PTAFR: variants seen among roughly 807,000 people sequenced by gnomAD.
PTAFR encodes the protein platelet activating factor receptor, also known as platelet-activating factor receptor.
In PTAFR, 8 loss-of-function variants were observed where a neutral mutation model predicts 14.7. The observed-to-expected ratio is 0.54, with a 90% confidence interval of 0.32 to 0.98. The LOEUF is 0.98. Ranked by LOEUF, PTAFR falls within the 50% of genes least tolerant of loss-of-function variation. The pLI is 0.04. For missense variants in PTAFR, 337 were observed against 451.2 expected (o/e 0.75, Z 2.29); for synonymous variants, 156 against 176.5 (o/e 0.88, Z 0.92).
At position 28,150,767 on chromosome 1, in the gene PTAFR, G is replaced by A. The variant is rs1470700823; in HGVS notation, c.255C>T (p.Leu85=). ...VYYQNQGNWI[L]PKFLCNVAGC... Reference sequence around the variant, plus strand: ...CAGCCACGTTGCACAGGAATTTGGGGAGTATCCAGTTGCCCTGGTTTTGGT... The same window carrying A: ...CAGCCACGTTGCACAGGAATTTGGGAAGTATCCAGTTGCCCTGGTTTTGGT... Residue 85 remains leucine, a synonymous_variant, in exon 2 of 2, where the codon CTC becomes CTT. Transcript: ENST00000373857. The surrounding 1 kb of genome is among the most constrained non-coding windows in gnomAD (Gnocchi z 6.3). 8.1e-6 allele frequency: 13 copies of A among 1,614,068 alleles called. No individual in the cohort carries two copies. Among genetic ancestry groups the A allele is most frequent in the African/African-American group, 1.3e-5 (1 of 74,938 alleles).
At chr1:28,179,665 TA>T (rs946737234), upstream of PTAFR, among the ~76,000 whole-genome samples, 1 of 151,138 alleles carries the variant, frequency 6.6e-6, no homozygotes, top group African/African-American at 2.4e-5. Context: ...AAAATAATAA[TA>T]ATTAAAAAAA....
chr1:28,166,840 C>T (rs1009605922), intron 1 of PTAFR, among the ~76,000 whole-genome samples: 5 of 151,970 alleles, frequency 3.3e-5, no homozygotes, highest in South Asian at 4.1e-4. Context: ...TAGCTGAGCA[C>T]GATGGCATGC....
chr1:28,187,313 G>T (rs1293410612), intron 1 of PTAFR, among the ~76,000 whole-genome samples: 1 of 152,056 alleles, frequency 6.6e-6, no homozygotes, highest in Non-Finnish European at 1.5e-5. Context: ...ATCAATAAGA[G>T]TAGATATTAG....
chr1:28,170,809 G>A (rs770680616), intron 1 of PTAFR, among the ~76,000 whole-genome samples: 1 of 151,550 alleles, frequency 6.6e-6, no homozygotes. Context: ...GACCATCCTG[G>A]CTAACACGGT....
intron 1 of PTAFR, among the ~76,000 whole-genome samples, chr1:28,168,382 A>G (rs923897220): frequency 4.6e-5 from 7 of 152,212 alleles, no homozygotes; most frequent in African/African-American, 1.7e-4. Context: ...ATGGATAAGC[A>G]AAATGTGGTA....
rs1027589464 is a variant in PTAFR at position 28,150,984 on chromosome 1, A to G, written c.38T>C (p.Phe13Ser). The G allele has an allele frequency of 6.2e-7, 1 of 1,608,634 alleles. No individual in the cohort carries two copies. Among genetic ancestry groups the G allele is most frequent in the Non-Finnish European group, 8.5e-7 (1 of 1,176,722 alleles). ...AACAATCGGGAAGAGAGTGTATCGG[A>G]ACTCAGAGTCCATGTGGGAGGAGTC... Reference protein sequence around the residue: ...PHDSSHMDSEFRYTLFPIVYS... With the variant: ...PHDSSHMDSESRYTLFPIVYS... Residue 13 changes from phenylalanine to serine, a missense_variant, in exon 2 of 2, where the codon TTC becomes TCC. Physicochemically the swap from Phe to Ser is radical, Grantham distance 155 (BLOSUM62 -2). Coordinates refer to ENST00000373857, the MANE Select transcript of PTAFR (RefSeq NM_000952.5). This position sits in a 1 kb window ranked among gnomAD's most constrained non-coding sequence, Gnocchi z 6.3.
chr1:28,171,553 G>T (rs146183691), intron 1 of PTAFR, among the ~76,000 whole-genome samples: 129 of 152,214 alleles, frequency 8.5e-4, no homozygotes, highest in African/African-American at 3.0e-3. Context: ...GGATTTGAGC[G>T]ACGAATTAAG....
chr1:28,185,782 C>T (rs991460656), intron 1 of PTAFR, among the ~76,000 whole-genome samples: 4 of 152,108 alleles, frequency 2.6e-5, no homozygotes, highest in African/African-American at 9.7e-5. Context: ...AGGAAAATTG[C>T]AGCAATTCCA....
chr1:28,156,191 A>G (rs915908373), intron 1 of PTAFR, among the ~76,000 whole-genome samples: 1 of 151,606 alleles, frequency 6.6e-6, no homozygotes, highest in African/African-American at 2.4e-5. Context: ...TGAACCCAGT[A>G]GGCGGAGGTT....
chr1:28,190,485 C>T (rs1456038179), intron 1 of PTAFR, among the ~76,000 whole-genome samples: 1 of 152,088 alleles, frequency 6.6e-6, no homozygotes, highest in Non-Finnish European at 1.5e-5. Context: ...TTATATTTAT[C>T]TTGTATTCTA....
At position 28,150,467 on chromosome 1, in the gene PTAFR, G is replaced by A; in HGVS notation, c.555C>T (p.Leu185=). Residue 185 remains leucine, a synonymous_variant, in exon 2 of 2, where the codon CTC becomes CTT. Coordinates refer to ENST00000373857, the MANE Select transcript of PTAFR (RefSeq NM_000952.5). The surrounding 1 kb of genome is among the most constrained non-coding windows in gnomAD (Gnocchi z 6.3). ...EHYEKGSVPV[L]IIHIFIVFSF... is the part of the protein sequence containing the mutation. ...TGAACACGATGAAGATGTGGATGATGAGGACTGGCACGCTGCCCTTCTCGT... is the reference window on the plus strand; with the variant it reads ...TGAACACGATGAAGATGTGGATGATAAGGACTGGCACGCTGCCCTTCTCGT... 6.2e-7 allele frequency: 1 copy of A among 1,614,244 alleles called. No individual in the cohort carries two copies. The highest frequency in any genetic ancestry group is 8.5e-7 in the Non-Finnish European group (1 of 1,180,036).
intron 1 of PTAFR, among the ~76,000 whole-genome samples, chr1:28,170,871 G>C (rs1343806992): frequency 1.3e-5 from 2 of 151,162 alleles, no homozygotes; most frequent in Non-Finnish European, 2.9e-5. Context: ...AAGGTGGTGG[G>C]CGCCTGTAGT....
At chr1:28,182,292 C>T (rs908613203) in intron 1 of PTAFR, among the ~76,000 whole-genome samples, 2 of 151,606 alleles carry the variant, frequency 1.3e-5, no homozygotes, top group African/African-American at 4.9e-5. Flanking sequence ...GCCAAGATTG[C>T]ACCACTGCAC....
At chr1:28,172,989 G>T (rs574522762) in intron 1 of PTAFR, among the ~76,000 whole-genome samples, 3 of 151,982 alleles carry the variant, frequency 2.0e-5, no homozygotes, top group East Asian at 1.9e-4. Flanking sequence ...GGTAGTGCAG[G>T]CTGGGTGCAG....
At chr1:28,163,285 G>A (rs77752782) in intron 1 of PTAFR, among the ~76,000 whole-genome samples, 4,687 of 152,262 alleles carry the variant, frequency 0.031, 252 homozygotes, top group African/African-American at 0.11. Context: ...ACCTGATACA[G>A]TATGTTTTAA....
intron 1 of PTAFR, among the ~76,000 whole-genome samples, chr1:28,175,463 C>A (rs372667784): frequency 2.0e-5 from 3 of 151,980 alleles, no homozygotes; most frequent in Non-Finnish European, 4.4e-5. Context: ...CCCCAACACA[C>A]ACACCACCCC....
At chr1:28,154,184 A>C (rs1183599283) in intron 1 of PTAFR, among the ~76,000 whole-genome samples, 1 of 151,878 alleles carries the variant, frequency 6.6e-6, no homozygotes, top group Non-Finnish European at 1.5e-5. Context: ...TTCCACGTGT[A>C]CTACCTCATT....
chr1:28,165,981 C>A (rs1646381245), intron 1 of PTAFR, among the ~76,000 whole-genome samples: 1 of 152,082 alleles, frequency 6.6e-6, no homozygotes, highest in Admixed American at 6.6e-5. Flanking sequence ...TCATATGAAA[C>A]CTCAAAGGAC....
intron 1 of PTAFR, among the ~76,000 whole-genome samples, chr1:28,161,564 C>CAACA (rs1338052145): frequency 1.3e-5 from 2 of 151,916 alleles, no homozygotes; most frequent in African/African-American, 4.8e-5. Context: ...CCAGGTTGGT[C>CAACA]TTGAACTCCT....
Sources: gnomAD v4.1 joint callset for allele counts (sites outside exome capture counted in the v4.1 genomes callset) on GRCh38, gnomAD v4.1.1 for gene constraint, Gnocchi (gnomAD v3.1) non-coding constraint, MANE v1.5 for transcripts, NCBI Gene and HGNC (gene_info 2026-07-23, HGNC 2026-07-21) for gene names.